TMEM254: variants seen among roughly 807,000 people sequenced by gnomAD.
TMEM254 encodes the protein transmembrane protein 254, also known as transmembrane protein C10orf57.
Under a neutral mutation model 13.9 loss-of-function variants are expected in TMEM254, and 16 were observed. That is an observed-to-expected ratio of 1.15 (90% CI 0.78 to 1.75). TMEM254 has a LOEUF of 1.75. Among genes scored for constraint, TMEM254 ranks in the 40% most tolerant of loss-of-function variants. The pLI is 0.00. For synonymous variants in TMEM254, 61 were observed against 56.4 expected (o/e 1.08, Z -0.36); for missense variants, 155 against 149.0 (o/e 1.04, Z -0.21).
chr10:80,087,301 T>A (rs1312536926), intron 3 of TMEM254, among the ~76,000 whole-genome samples: 4 of 152,150 alleles, frequency 2.6e-5, no homozygotes, highest in Admixed American at 2.0e-4. Flanking sequence ...CTTTGGTATT[T>A]GTTCCCTTAG....
chr10:80,079,269 T>C (rs1843831392), intron 1 of TMEM254: 2 of 1,222,260 alleles, frequency 1.6e-6, no homozygotes, highest in Admixed American at 3.5e-5. Flanking sequence ...GAACGGGGCC[T>C]GTGCGCACGC....
intron 3 of TMEM254, chr10:80,090,470 C>T (rs1844527869): frequency 7.0e-6 from 5 of 716,238 alleles, no homozygotes; most frequent in Admixed American, 4.0e-5. Flanking sequence ...GGTCTATTTG[C>T]AAAACATTTG....
At chr10:80,082,103 A>G in intron 2 of TMEM254, 42 bp from the exon 3 acceptor site, 1 of 1,609,322 alleles carries the variant, frequency 6.2e-7, no homozygotes, top group Non-Finnish European at 8.5e-7. Context: ...ATCAGCAGAT[A>G]ACTATCACCT....
intron 3 of TMEM254, among the ~76,000 whole-genome samples, chr10:80,086,937 T>C (rs922139024): frequency 6.6e-6 from 1 of 152,110 alleles, no homozygotes; most frequent in African/African-American, 2.4e-5. Context: ...CTTTCATAAT[T>C]GGTTTCCATT....
chr10:80,078,670 G>C lies in TMEM254; in HGVS notation c.-30G>C. ...CCGCGCTCGCGCTCGACGGTGTCCT[G>C]AAGCGCGCTCCCGGGGAGGTGTTGC... On this transcript the variant is annotated 5_prime_UTR_variant, in exon 1 of 4. Coordinates refer to ENST00000372281, the MANE Select transcript of TMEM254 (RefSeq NM_025125.4). The C allele has an allele frequency of 6.4e-7, 1 of 1,570,348 alleles. No homozygotes were observed. The highest frequency in any genetic ancestry group is 8.6e-7 in the Non-Finnish European group (1 of 1,161,758).
At chr10:80,088,902 TTTG>T (rs979457408) in intron 3 of TMEM254, among the ~76,000 whole-genome samples, 3 of 151,762 alleles carry the variant, frequency 2.0e-5, no homozygotes, top group Middle Eastern at 3.2e-3. Context: ...CTGGCCAACT[TTTG>T]TTGTTGTTTT....
chr10:80,088,996 A>G (rs1200411958), intron 3 of TMEM254, among the ~76,000 whole-genome samples: 1 of 120,920 alleles, frequency 8.3e-6, no homozygotes, highest in Non-Finnish European at 1.7e-5. Context: ...CCTTTGTTTC[A>G]TTTCATTTTC....
Position 80,081,557 on chromosome 10 carries a change from A to G in TMEM254, c.88-284A>G, listed in dbSNP as rs530569325. ...GTGGCACACACGTGTAGTCCCATCTACTTGGGAGGCTGAGGTGGGAGGATG... is the reference window on the plus strand; with the variant it reads ...GTGGCACACACGTGTAGTCCCATCTGCTTGGGAGGCTGAGGTGGGAGGATG... On this transcript the variant is annotated intron_variant, in intron 1 of 3. Transcript: ENST00000372281. 16 of 822,026 alleles carry G rather than the reference A, an allele frequency of 1.9e-5. No individual in the cohort carries two copies. In the East Asian group the frequency reaches 4.0e-4, roughly 20 times the overall value. 50.9% of individuals were successfully genotyped at this position (822,026 alleles called of 1,614,324 possible).
intron 3 of TMEM254, among the ~76,000 whole-genome samples, chr10:80,087,891 G>A (rs6584867): frequency 0.44 from 66,708 of 151,608 alleles, 15,001 homozygotes; most frequent in East Asian, 0.71. Flanking sequence ...CCTTTCTCAC[G>A]GTCTTTTTAT....
intron 1 of TMEM254, chr10:80,079,307 T>C (rs1843836018): frequency 5.0e-6 from 6 of 1,202,438 alleles, no homozygotes; most frequent in Admixed American, 7.3e-5. Context: ...CGGTTACTCA[T>C]GTAAGCGGAA....
intron 1 of TMEM254, among the ~76,000 whole-genome samples, chr10:80,080,756 T>C (rs1179060380): frequency 1.4e-5 from 2 of 146,154 alleles, no homozygotes; most frequent in African/African-American, 2.5e-5. Context: ...CTGGGCAACA[T>C]GGCAAAACCT....
chr10:80,081,929 C>T lies in TMEM254; in HGVS notation c.176C>T (p.Thr59Ile). The change falls in exon 2 of 4, where the codon ACC becomes ATC. Residue 59 changes from threonine to isoleucine, a missense_variant. Physicochemically the swap from Thr to Ile is moderately conservative, Grantham distance 89. Transcript: ENST00000372281. ...FTQYLVDHHH[T>I]LLCNGYWLAW... ...CAGTACTTGGTGGACCACCATCACACCCTCCTGTGCAATGGGTAAGGAGAG... is the reference window on the plus strand; with the variant it reads ...CAGTACTTGGTGGACCACCATCACATCCTCCTGTGCAATGGGTAAGGAGAG... 6.2e-7 allele frequency: 1 copy of T among 1,614,094 alleles called. No individual in the cohort carries two copies. Among genetic ancestry groups the T allele is most frequent in the African/African-American group, 1.3e-5 (1 of 75,056 alleles).
intron 1 of TMEM254, among the ~76,000 whole-genome samples, chr10:80,080,189 G>A (rs1185927105): frequency 6.6e-6 from 1 of 152,218 alleles, no homozygotes; most frequent in Non-Finnish European, 1.5e-5. Context: ...ATCTTGTGGA[G>A]CTGGCAGATG....
intron 3 of TMEM254, among the ~76,000 whole-genome samples, chr10:80,086,600 T>C (rs1369660078): frequency 6.6e-6 from 1 of 152,114 alleles, no homozygotes; most frequent in Non-Finnish European, 1.5e-5. Flanking sequence ...CTCAGCACTT[T>C]GGGAGGCCAA....
chr10:80,088,255 A>G (rs1844407867), intron 3 of TMEM254, among the ~76,000 whole-genome samples: 2 of 152,082 alleles, frequency 1.3e-5, no homozygotes, highest in South Asian at 4.1e-4. Context: ...CAGCTTTATA[A>G]TCATTGTTAT....
At chr10:80,086,840 C>CA (rs71034279) in intron 3 of TMEM254, among the ~76,000 whole-genome samples, 78 of 129,442 alleles carry the variant, frequency 6.0e-4, no homozygotes, top group Admixed American at 8.2e-4. Context: ...GACTCCATTT[C>CA]AAAAAAAAAA....
chr10:80,079,153 T>C, intron 1 of TMEM254: 2 of 1,292,828 alleles, frequency 1.5e-6, no homozygotes, highest in South Asian at 1.2e-5. Flanking sequence ...TTGCCCTCTC[T>C]GGTCACAGTC....
chr10:80,082,565 G>A (rs6584834), intron 3 of TMEM254, among the ~76,000 whole-genome samples: 1 of 151,896 alleles, frequency 6.6e-6, no homozygotes, highest in Non-Finnish European at 1.5e-5. Flanking sequence ...CACAATCCTC[G>A]TTTTACAATT....
At chr10:80,083,105 C>CTTTT (rs57014602) in intron 3 of TMEM254, among the ~76,000 whole-genome samples, 118 of 106,328 alleles carry the variant, frequency 1.1e-3, no homozygotes, top group Middle Eastern at 6.9e-3. Context: ...ATAAGCTAGA[C>CTTTT]TTTTTTTTTT....
Sources: allele counts gnomAD v4.1 joint callset (sites outside exome capture counted in the v4.1 genomes callset), GRCh38; gene constraint gnomAD v4.1.1; transcripts MANE v1.5; gene names NCBI Gene and HGNC (gene_info 2026-07-23, HGNC 2026-07-21).